Variants in ZSCAN9 observed in about 807,000 individuals in gnomAD.
ZSCAN9 encodes zinc finger and SCAN domain-containing protein 9.
Under a neutral mutation model 23.0 loss-of-function variants are expected in ZSCAN9, and 19 were observed. The ratio of observed to expected loss-of-function variants is 0.83; its 90% CI spans 0.58 to 1.21. ZSCAN9 has a LOEUF of 1.21. Ranked by LOEUF, ZSCAN9 falls within the 50% of genes most tolerant of loss-of-function variation. The pLI, the probability that ZSCAN9 is intolerant of heterozygous loss-of-function variation, is 0.00. For synonymous variants in ZSCAN9, 155 were observed against 164.8 expected (o/e 0.94, Z 0.46); for missense variants, 467 against 471.5 (o/e 0.99, Z 0.09).
chr6:28,227,557 C>A, intron 2 of ZSCAN9, 53 bp downstream of exon 2: 1 of 1,563,974 alleles, frequency 6.4e-7, no homozygotes. Flanking sequence ...TGCCAAGAAT[C>A]CTTGTCACTT....
chr6:28,233,021 G>A lies in ZSCAN9; in HGVS notation c.1028G>A (p.Cys343Tyr), dbSNP rs746820559. 1.9e-6 allele frequency: 3 copies of A among 1,614,176 alleles called. No individual in the cohort carries two copies. The South Asian group carries it at 3.3e-5, about 18-fold the overall frequency. Residue 343 changes from cysteine (C) to tyrosine (Y), a missense_variant, in exon 4 of 4, where the codon TGC becomes TAC. By Grantham distance (194) the Cys-to-Tyr change is radical. Transcript: ENST00000252207. ...KGEKPYQCSQ[C>Y]SKSYSRRSFL... ...GAAAAGCCGTATCAGTGCAGCCAGT[G>A]CAGTAAGAGCTACAGTCGGCGTTCA...
At position 28,227,964 on chromosome 6, in the gene ZSCAN9, C is replaced by T. The variant is rs1321493737; in HGVS notation, c.568+127C>T. 3 of 1,106,784 alleles carry T rather than the reference C, an allele frequency of 2.7e-6. No individual in the cohort carries two copies. The Admixed American group carries it at 5.9e-5, about 22-fold the overall frequency. 68.6% of individuals were successfully genotyped at this position (1,106,784 alleles called of 1,614,324 possible). ...TACCAGATAGCAGTAATGGTCAGTT[C>T]TTCTGAGAGCCTAGTGTGCTCATCT... On this transcript the variant is annotated intron_variant, in intron 3 of 3. Transcript: ENST00000252207.
chr6:28,227,596 T>TA, intron 2 of ZSCAN9, 92 bp downstream of exon 2: 1 of 1,570,586 alleles, frequency 6.4e-7, no homozygotes, highest in East Asian at 2.2e-5. Context: ...ACATTGGTGA[T>TA]AAAATACTCT....
At chr6:28,226,032 CTT>C (rs1244053544) in intron 1 of ZSCAN9, among the ~76,000 whole-genome samples, 1 of 152,232 alleles carries the variant, frequency 6.6e-6, no homozygotes, top group Non-Finnish European at 1.5e-5. Flanking sequence ...GTGGAGAAAA[CTT>C]TTCCCTTGGG....
chr6:28,227,770 G>C lies in ZSCAN9; in HGVS notation c.501G>C (p.Gln167His). ...CAGAGCAGACACCACTGACCCTTCAGTCCCAGCCTAAGGAGCCACAGCTCA... is the reference window on the plus strand; with the variant it reads ...CAGAGCAGACACCACTGACCCTTCACTCCCAGCCTAAGGAGCCACAGCTCA... ...PLAEQTPLTL[Q>H]SQPKEPQLTC... Residue 167 changes from glutamine (Q) to histidine (H), a missense_variant, in exon 3 of 4, where the codon CAG becomes CAC. Coordinates refer to ENST00000252207, the MANE Select transcript of ZSCAN9 (RefSeq NM_006299.5). The C allele has an allele frequency of 1.2e-6, 2 of 1,613,666 alleles. No individual in the cohort carries two copies. Among genetic ancestry groups the C allele is most frequent in the South Asian group, 2.2e-5 (2 of 91,046 alleles).
At chr6:28,231,339 G>A (rs575932360) in intron 3 of ZSCAN9, among the ~76,000 whole-genome samples, 1 of 152,328 alleles carries the variant, frequency 6.6e-6, no homozygotes, top group Non-Finnish European at 1.5e-5. Flanking sequence ...CAGGCAGGCA[G>A]CATGTACAGT....
rs748002222 is a variant in ZSCAN9, at chr6:28,232,804, C to T, written c.811C>T (p.Arg271Ter). The change falls in exon 4 of 4, where the codon CGA becomes TGA. Residue 271 changes from arginine (R) to a stop codon, truncating the protein, a stop_gained. Coordinates refer to ENST00000252207, the MANE Select transcript of ZSCAN9 (RefSeq NM_006299.5). LOFTEE classifies it low-confidence loss of function (END_TRUNC). ...CTTTACTCAGAGCTCAGGTCTCATT[C>T]GACATCAAAGAATTCATACTGGAGA... ...KSFTQSSGLI[R>*]HQRIHTGERP... is the part of the protein sequence containing the mutation. 1.1e-5 allele frequency: 17 copies of T among 1,613,992 alleles called. No individual in the cohort carries two copies. The highest frequency in any genetic ancestry group is 5.5e-5 in the South Asian group (5 of 91,080).
rs2113658521 is a variant in ZSCAN9 at position 28,232,946 on chromosome 6, T to C, written c.953T>C (p.Val318Ala). The change falls in exon 4 of 4, where the codon GTC becomes GCC. Residue 318 changes from valine to alanine, a missense_variant. Coordinates refer to ENST00000252207, the MANE Select transcript of ZSCAN9 (RefSeq NM_006299.5). ...TACCACTGCAAGGAGTGTGGGAAGG[T>C]CTTCAGTCAGAGTGCGGGTCTTATC... ...KRYHCKECGK[V>A]FSQSAGLIQH... is the part of the protein sequence containing the mutation. The C allele has an allele frequency of 1.2e-6, 2 of 1,614,042 alleles. No individual in the cohort carries two copies. The highest frequency in any genetic ancestry group is 1.7e-6 in the Non-Finnish European group (2 of 1,180,018).
rs972614850 is a variant in ZSCAN9, at chr6:28,233,415, A to T, written c.*237A>T. On this transcript the variant is annotated 3_prime_UTR_variant, in exon 4 of 4. Transcript: ENST00000252207. ...TGTCCCTCTTATTTATAATTTATTT[A>T]TTTTTTTGAGATGGCTGCTAAACCC... 8 of 542,038 alleles carry T rather than the reference A, an allele frequency of 1.5e-5. No individual in the cohort carries two copies. The highest frequency in any genetic ancestry group is 2.0e-5 in the Non-Finnish European group (7 of 351,196). The allele number at this position is 542,038 out of a possible 1,614,324, so 33.6% of individuals were successfully genotyped here. A position where few individuals can be genotyped will look rare whatever the true frequency, so the allele number is the denominator to read the frequency against.
In ZSCAN9 at chr6:28,227,049, A is replaced by C; in HGVS notation, c.-36A>C. 3 of 1,584,658 alleles carry C rather than the reference A, an allele frequency of 1.9e-6. No homozygotes were observed. The South Asian group carries it at 3.5e-5, about 18-fold the overall frequency. On this transcript the variant is annotated 5_prime_UTR_variant, in exon 2 of 4. Coordinates refer to ENST00000252207, the MANE Select transcript of ZSCAN9 (RefSeq NM_006299.5). ...AAGGTTTGTCTTGAAGCATAGCTCC[A>C]GCTGGAGGGTACCTTTTAAGCTGTT...
At chr6:28,230,226 A>C (rs2113653602) in intron 3 of ZSCAN9, 2 of 963,528 alleles carry the variant, frequency 2.1e-6, no homozygotes, top group East Asian at 5.5e-5. Context: ...CAGTTTGATA[A>C]TATATCTGAA....
In ZSCAN9 at chr6:28,232,949, T is replaced by G. The variant is rs1401841906; in HGVS notation, c.956T>G (p.Phe319Cys). 6 of 1,614,136 alleles carry G rather than the reference T, an allele frequency of 3.7e-6. No individual in the cohort carries two copies. The Admixed American group carries it at 6.7e-5, about 18-fold the overall frequency. Residue 319 changes from phenylalanine (F) to cysteine (C), a missense_variant, in exon 4 of 4, where the codon TTC becomes TGC. Coordinates refer to ENST00000252207, the MANE Select transcript of ZSCAN9 (RefSeq NM_006299.5). ...CACTGCAAGGAGTGTGGGAAGGTCT[T>G]CAGTCAGAGTGCGGGTCTTATCCAG... ...RYHCKECGKV[F>C]SQSAGLIQHQ...
chr6:28,227,445 G>A lies in ZSCAN9; in HGVS notation c.361G>A (p.Glu121Lys). The part of the protein sequence containing the change: ...WVREHCPESG[E>K]EAVILLEDLE... Reference sequence around the variant, plus strand: ...GAGGGAACACTGTCCAGAGAGTGGAGAAGAGGCTGTGATTTTGCTGGAGGA... The same window carrying A: ...GAGGGAACACTGTCCAGAGAGTGGAAAAGAGGCTGTGATTTTGCTGGAGGA... Residue 121 changes from glutamate (E) to lysine (K), a missense_variant, in exon 2 of 4, where the codon GAA (glutamate) becomes AAA (lysine). By Grantham distance (56) the Glu-to-Lys change is moderately conservative (BLOSUM62 1). Coordinates refer to ENST00000252207, the MANE Select transcript of ZSCAN9 (RefSeq NM_006299.5). 1 of 1,613,592 alleles carries A rather than the reference G, an allele frequency of 6.2e-7. No homozygotes were observed. The highest frequency in any genetic ancestry group is 8.5e-7 in the Non-Finnish European group (1 of 1,179,724).
At chr6:28,230,098 T>C (rs762217970) in intron 3 of ZSCAN9, among the ~76,000 whole-genome samples, 37 of 152,202 alleles carry the variant, frequency 2.4e-4, no homozygotes, top group Middle Eastern at 3.4e-3. Flanking sequence ...ACCTCGTGAT[T>C]CGCCCGCCTC....
In ZSCAN9 at chr6:28,225,502, G is replaced by C. The variant is rs928894471; in HGVS notation, c.-74+136G>C. On this transcript the variant is annotated intron_variant, in intron 1 of 3. Coordinates refer to ENST00000252207, the MANE Select transcript of ZSCAN9 (RefSeq NM_006299.5). ...GCGGCGGTCAGTGCCGGGCGGCTTC[G>C]GGCGTCCCCTAGACCAGAGTGGTCA... 2.6e-5 allele frequency: 4 copies of C among 152,504 alleles called. No individual in the cohort carries two copies. The East Asian group carries it at 7.7e-4, about 29-fold the overall frequency. 9.4% of individuals were successfully genotyped at this position (152,504 alleles called of 1,614,324 possible).
intron 1 of ZSCAN9, among the ~76,000 whole-genome samples, chr6:28,225,942 C>T (rs778878403): frequency 6.6e-6 from 1 of 152,246 alleles, no homozygotes; most frequent in Non-Finnish European, 1.5e-5. Flanking sequence ...TGGAATTCAG[C>T]TGCTGCGCTG....
At chr6:28,230,567 C>T in intron 3 of ZSCAN9, 1 of 1,391,054 alleles carries the variant, frequency 7.2e-7, no homozygotes, top group East Asian at 2.5e-5. Context: ...AAGAGGAGGC[C>T]TGGGTCTGTT....
At chr6:28,226,325 C>T (rs1202675454) in intron 1 of ZSCAN9, among the ~76,000 whole-genome samples, 2 of 152,116 alleles carry the variant, frequency 1.3e-5, no homozygotes, top group Non-Finnish European at 1.5e-5. Flanking sequence ...ATAATACTAA[C>T]CTTAAATGGT....
rs953415639 is a variant in ZSCAN9 at position 28,225,292 on chromosome 6, G to T, written c.-148G>T. 1 of 152,124 alleles carries T rather than the reference G, an allele frequency of 6.6e-6. No homozygotes were observed. Among genetic ancestry groups the T allele is most frequent in the South Asian group, 2.1e-4 (1 of 4,812 alleles). 9.4% of individuals were successfully genotyped at this position (152,124 alleles called of 1,614,324 possible). ...AGGTCGGCATCTTTGTTCCCTGCCCGGCCATTGTTCGTGCCGCGCTTCTAG... is the reference window on the plus strand; with the variant it reads ...AGGTCGGCATCTTTGTTCCCTGCCCTGCCATTGTTCGTGCCGCGCTTCTAG... On this transcript the variant is annotated 5_prime_UTR_variant, in exon 1 of 4. Transcript: ENST00000252207.
Sources: allele counts gnomAD v4.1 joint callset (sites outside exome capture counted in the v4.1 genomes callset), GRCh38; gene constraint gnomAD v4.1.1; transcripts MANE v1.5; gene names NCBI Gene and HGNC (gene_info 2026-07-23, HGNC 2026-07-21).